The following DLGAP2 variants were observed in gnomAD, a reference collection of about 807,000 sequenced individuals.
DLGAP2 encodes disks large-associated protein 2.
DLGAP2 carries 26 observed loss-of-function variants against 100.3 expected under a neutral mutation model. The observed-to-expected ratio is 0.26, with a 90% CI of 0.19 to 0.36. The LOEUF (loss-of-function observed/expected upper bound fraction) is 0.36, where lower values mean the gene tolerates loss of function less well. DLGAP2 is among the 10% of genes least tolerant of loss of function. The pLI, the probability that DLGAP2 is intolerant of heterozygous loss-of-function variation, is 1.00. For synonymous variants in DLGAP2, 886 were observed against 630.1 expected (o/e 1.41, Z -6.08); for missense variants, 1,858 against 1,453.2 (o/e 1.28, Z -4.53).
At chr8:852,716 A>G (rs1189663866) in intron 1 of DLGAP2, among the ~76,000 whole-genome samples, 4 of 152,204 alleles carry the variant, frequency 2.6e-5, no homozygotes, top group African/African-American at 9.6e-5. Flanking sequence ...TGTAAAGGGT[A>G]AAATATCCAC....
At chr8:1,267,564 A>AT (rs1416489226) in intron 3 of DLGAP2, among the ~76,000 whole-genome samples, 24 of 37,570 alleles carry the variant, frequency 6.4e-4, no homozygotes, top group African/African-American at 2.8e-3. Context: ...CGCTCAAAAT[A>AT]AAATAAAATA....
chr8:740,184 A>G (rs1416587012), intron 1 of DLGAP2: 1 of 152,244 alleles, frequency 6.6e-6, no homozygotes, highest in Non-Finnish European at 1.5e-5. Context: ...TACTACGTCA[A>G]ATAATTCAAA....
At chr8:996,928 A>G (rs1800799203) in intron 2 of DLGAP2, among the ~76,000 whole-genome samples, 1 of 152,178 alleles carries the variant, frequency 6.6e-6, no homozygotes, top group African/African-American at 2.4e-5. Context: ...CCATTTTTAG[A>G]ATTTCGCTTT....
chr8:1,308,313 C>G (rs185182374), intron 3 of DLGAP2, among the ~76,000 whole-genome samples: 4 of 152,304 alleles, frequency 2.6e-5, no homozygotes, highest in Admixed American at 2.0e-4. Context: ...TGACTGCACA[C>G]GGCAAATAAT....
chr8:1,633,943 T>C (rs1278091556), intron 8 of DLGAP2, among the ~76,000 whole-genome samples: 2 of 152,228 alleles, frequency 1.3e-5, no homozygotes, highest in Non-Finnish European at 2.9e-5. Flanking sequence ...GGCAGGAGTG[T>C]GTCATCATAC....
chr8:1,138,036 C>T (rs1796453939), intron 2 of DLGAP2, among the ~76,000 whole-genome samples: 1 of 152,184 alleles, frequency 6.6e-6, no homozygotes, highest in Non-Finnish European at 1.5e-5. Context: ...GCGCCCGGCC[C>T]CCTCTCTCGA....
intron 3 of DLGAP2, chr8:1,379,686 C>G (rs550479759): frequency 2.0e-5 from 3 of 152,410 alleles, no homozygotes; most frequent in Middle Eastern, 6.7e-3. Context: ...GGACCCCGCA[C>G]TTAACGTCAG....
At position 1,570,118 on chromosome 8, in the gene DLGAP2, C is replaced by T. The variant is rs149467632; in HGVS notation, c.1442+4224C>T. Among the ~76,000 whole-genome samples the T allele has an allele frequency of 9.3e-4, 142 of 152,362 alleles. 2 individuals are homozygous for T. Among genetic ancestry groups the T allele is most frequent in the Admixed American group, 8.4e-3 (128 of 15,312 alleles). On this transcript the variant is annotated intron_variant, in intron 6 of 14. Coordinates refer to ENST00000637795, the MANE Select transcript of DLGAP2 (RefSeq NM_001346810.2). Reference sequence around the variant, plus strand: ...CTGTAGTGAGTGTGGACAAAATTCTCTTGAAAGATTTTAACAGTGGAGATG... The same window carrying T: ...CTGTAGTGAGTGTGGACAAAATTCTTTTGAAAGATTTTAACAGTGGAGATG...
intron 2 of DLGAP2, among the ~76,000 whole-genome samples, chr8:936,350 G>A (rs1036996930): frequency 1.3e-5 from 2 of 152,194 alleles, no homozygotes; most frequent in African/African-American, 2.4e-5. Flanking sequence ...CGACCAATGT[G>A]TAAAACTCGG....
At chr8:1,692,971 A>C (rs1280877989) in intron 13 of DLGAP2, among the ~76,000 whole-genome samples, 1 of 148,418 alleles carries the variant, frequency 6.7e-6, no homozygotes, top group Non-Finnish European at 1.5e-5. Flanking sequence ...TCATATATAC[A>C]TCTCATATAT....
chr8:1,237,109 T>G lies in DLGAP2; in HGVS notation c.74-21742T>G, dbSNP rs1376852986. On this transcript the variant is annotated intron_variant, in intron 2 of 14. Coordinates refer to ENST00000637795, the MANE Select transcript of DLGAP2 (RefSeq NM_001346810.2). ...TGTCTAGTTCTCTCACATGGCACCG[T>G]GCCTAGTTCTGTCTCACATGGGGCC... is the stretch of plus-strand genomic sequence containing the variant. Among the ~76,000 whole-genome samples the G allele has an allele frequency of 3.5e-4, 22 of 63,730 alleles. No homozygotes were observed. The East Asian group carries it at 4.0e-3, about 11-fold the overall frequency. The allele number at this position is 63,730 out of a possible 152,430, so 41.8% of individuals were successfully genotyped here.
intron 2 of DLGAP2, among the ~76,000 whole-genome samples, chr8:937,725 C>A (rs1012713950): frequency 1.3e-5 from 2 of 152,162 alleles, no homozygotes; most frequent in African/African-American, 4.8e-5. Flanking sequence ...TCCTCCATCT[C>A]CTACAATCAA....
chr8:1,125,722 G>C lies in DLGAP2; in HGVS notation c.74-133129G>C, dbSNP rs547026634. 3.3e-5 allele frequency among the ~76,000 whole-genome samples: 5 copies of C among 152,354 alleles called. No individual in the cohort carries two copies. The South Asian group carries it at 1.0e-3, about 32-fold the overall frequency. ...TATTTGTGCATTTCAGACTCGCAAG[G>C]TTTTACGTTGTCTTGTGTATAAGTT... On this transcript the variant is annotated intron_variant, in intron 2 of 14. Transcript: ENST00000637795.
chr8:1,134,831 T>C (rs1443697589), intron 2 of DLGAP2, among the ~76,000 whole-genome samples: 1 of 151,840 alleles, frequency 6.6e-6, no homozygotes, highest in Non-Finnish European at 1.5e-5. Context: ...ATAAACCAGA[T>C]CTCCTGAGAA....
chr8:1,286,767 C>T (rs1198812136), intron 3 of DLGAP2, among the ~76,000 whole-genome samples: 1 of 152,244 alleles, frequency 6.6e-6, no homozygotes, highest in Non-Finnish European at 1.5e-5. Flanking sequence ...CTGTGCTGTA[C>T]TGAACTACTT....
chr8:1,698,146 C>G (rs554714122), intron 14 of DLGAP2, among the ~76,000 whole-genome samples: 7 of 152,204 alleles, frequency 4.6e-5, no homozygotes, highest in Admixed American at 6.5e-5. Context: ...AGAAGGTGCC[C>G]TGGCCACTAG....
chr8:1,238,568 C>A lies in DLGAP2; in HGVS notation c.74-20283C>A, dbSNP rs868358570. Among the ~76,000 whole-genome samples, 268 of 44,020 alleles carry A rather than the reference C, an allele frequency of 6.1e-3. 2 individuals are homozygous for A. Among genetic ancestry groups the A allele is most frequent in the African/African-American group, 0.019 (200 of 10,318 alleles). 28.9% of individuals were successfully genotyped at this position (44,020 alleles called of 152,430 possible). Reference sequence around the variant, plus strand: ...ACATGGTGCCGTGTCTAGTTCTCTCCCATGGCGCCGTGTCTAGTTACCTAT... The same window carrying A: ...ACATGGTGCCGTGTCTAGTTCTCTCACATGGCGCCGTGTCTAGTTACCTAT... On this transcript the variant is annotated intron_variant, in intron 2 of 14. Coordinates refer to ENST00000637795, the MANE Select transcript of DLGAP2 (RefSeq NM_001346810.2).
chr8:809,249 C>T (rs540001104), intron 1 of DLGAP2, among the ~76,000 whole-genome samples: 15 of 152,258 alleles, frequency 9.9e-5, no homozygotes, highest in East Asian at 5.8e-4. Flanking sequence ...TGTATTAGCA[C>T]GTGGGCACAC....
chr8:1,283,795 A>G (rs560454229), intron 3 of DLGAP2, among the ~76,000 whole-genome samples: 35 of 152,242 alleles, frequency 2.3e-4, no homozygotes, highest in Non-Finnish European at 3.5e-4. Context: ...ATTTACTGCT[A>G]TTTTATTTAT....
Sources: allele counts gnomAD v4.1 joint callset (sites outside exome capture counted in the v4.1 genomes callset), GRCh38; gene constraint gnomAD v4.1.1; transcripts MANE v1.5; gene names NCBI Gene and HGNC (gene_info 2026-07-23, HGNC 2026-07-21).